Variants in CDK13 observed in about 807,000 individuals in gnomAD.
The protein encoded by CDK13 is cyclin dependent kinase 13, also known as cyclin-dependent kinase 13.
CDK13 carries 40 observed loss-of-function variants against 137.6 expected under a neutral mutation model. The ratio of observed to expected loss-of-function variants is 0.29; its 90% CI spans 0.23 to 0.38. The LOEUF is 0.38. CDK13 is among the 10% of genes least tolerant of loss of function. The pLI is 1.00. For synonymous variants in CDK13, 869 were observed against 760.1 expected, an observed-to-expected ratio of 1.14 and a Z score of -2.36; for missense variants, 1,704 against 1,951.8, an observed-to-expected ratio of 0.87 and a Z score of 2.39.
chr7:40,023,105 T>G (rs1264346340), intron 5 of CDK13, among the ~76,000 whole-genome samples: 1 of 151,574 alleles, frequency 6.6e-6, no homozygotes, highest in Non-Finnish European at 1.5e-5. Flanking sequence ...TTTTTTTTTT[T>G]TTTTTGAGAC....
chr7:39,980,243 A>C (rs1163004292), intron 1 of CDK13, among the ~76,000 whole-genome samples: 1 of 152,184 alleles, frequency 6.6e-6, no homozygotes, highest in African/African-American at 2.4e-5. Flanking sequence ...ATGAGTGGAG[A>C]GTAGTGAAAT....
At chr7:40,026,403 G>A (rs191172950) in intron 5 of CDK13, among the ~76,000 whole-genome samples, 2 of 152,156 alleles carry the variant, frequency 1.3e-5, no homozygotes, top group African/African-American at 2.4e-5. Context: ...CAGCTACTTG[G>A]GGGGCTGAGG....
chr7:40,071,258 T>G (rs910403743), intron 9 of CDK13: 1 of 152,214 alleles, frequency 6.6e-6, no homozygotes. Flanking sequence ...CTACTGAGAT[T>G]TACCGTATTA....
chr7:40,074,189 C>A (rs1048645697), intron 9 of CDK13, among the ~76,000 whole-genome samples: 5 of 151,566 alleles, frequency 3.3e-5, no homozygotes, highest in Non-Finnish European at 5.9e-5. Flanking sequence ...CATGAGCCAT[C>A]ATGCCTGGCC....
chr7:40,069,307 C>T (rs150078586), intron 9 of CDK13: 7,021 of 454,656 alleles, frequency 0.015, 98 homozygotes, highest in Non-Finnish European at 0.02. Flanking sequence ...AATTTCTTTT[C>T]AGACATGAAG....
chr7:39,982,992 T>C (rs1183687027), intron 1 of CDK13, among the ~76,000 whole-genome samples: 2 of 152,232 alleles, frequency 1.3e-5, no homozygotes, highest in Non-Finnish European at 2.9e-5. Context: ...TGGTTGTTTC[T>C]TTTGCTGTGC....
At chr7:40,041,521 A>C (rs1257386781) in intron 5 of CDK13, among the ~76,000 whole-genome samples, 2 of 152,180 alleles carry the variant, frequency 1.3e-5, no homozygotes, top group Non-Finnish European at 2.9e-5. Flanking sequence ...TAATTCTCAA[A>C]GTCATACCAG....
chr7:40,099,089 T>A lies in CDK13; in HGVS notation c.*4109T>A, dbSNP rs2150551348. 6.6e-6 allele frequency: 1 copy of A among 151,794 alleles called. No individual in the cohort carries two copies. Among genetic ancestry groups the A allele is most frequent in the Non-Finnish European group, 1.5e-5 (1 of 67,890 alleles). The allele number at this position is 151,794 out of a possible 1,614,324, so 9.4% of individuals were successfully genotyped here. A position where few individuals can be genotyped will look rare whatever the true frequency, so the allele number is the denominator to read the frequency against. On this transcript the variant is annotated 3_prime_UTR_variant, in exon 14 of 14. Coordinates refer to ENST00000181839, the MANE Select transcript of CDK13 (RefSeq NM_003718.5). ...TTTAAAAAAAAAAACAACAAAAAAA[T>A]ACTTTCAGGGTTTTGTAATTTCAAG... is the stretch of plus-strand genomic sequence containing the variant.
chr7:39,999,522 G>A (rs1187411409), intron 4 of CDK13, 22 bp downstream of exon 4: 11 of 1,580,046 alleles, frequency 7.0e-6, no homozygotes, highest in Non-Finnish European at 9.5e-6. Flanking sequence ...AAGTTCTGGG[G>A]ATCTTTGGGC....
intron 11 of CDK13, among the ~76,000 whole-genome samples, chr7:40,081,442 C>T (rs1301473279): frequency 3.3e-5 from 5 of 152,154 alleles, no homozygotes; most frequent in African/African-American, 1.2e-4. Context: ...CACCAATAGT[C>T]ATTTGGAAAA....
rs1401534951 is a variant in CDK13, at chr7:40,094,815, C to T, written c.4374C>T (p.His1458=). The T allele has an allele frequency of 3.2e-6, 5 of 1,585,758 alleles. No homozygotes were observed. The highest frequency in any genetic ancestry group is 4.3e-6 in the Non-Finnish European group (5 of 1,166,604). Residue 1458 remains histidine (H), a synonymous_variant, in exon 14 of 14, where the codon CAC becomes CAT. Transcript: ENST00000181839. Reference sequence around the variant, plus strand: ...CTCATCCTTTGCCAGCAAAGATGCACAACTATAACTATGGTGGTAACTTAC... The same window carrying T: ...CTCATCCTTTGCCAGCAAAGATGCATAACTATAACTATGGTGGTAACTTAC... ...ESTHPLPAKM[H]NYNYGGNLQE...
intron 2 of CDK13, among the ~76,000 whole-genome samples, chr7:39,990,980 G>A (rs142517438): frequency 1.0e-3 from 157 of 152,308 alleles, no homozygotes; most frequent in African/African-American, 3.5e-3. Context: ...CATTATATGT[G>A]TAACATGTAG....
At chr7:40,092,211 A>T (rs1786940595) in intron 12 of CDK13, 1 of 152,310 alleles carries the variant, frequency 6.6e-6, no homozygotes, top group South Asian at 2.1e-4. Flanking sequence ...GATTTTGCAT[A>T]ATAAACTTTA....
At chr7:40,083,908 GTAGT>G (rs1479987863) in intron 11 of CDK13, among the ~76,000 whole-genome samples, 1 of 151,752 alleles carries the variant, frequency 6.6e-6, no homozygotes, top group African/African-American at 2.4e-5. Context: ...GATATAATGA[GTAGT>G]TAAAATTATG....
intron 9 of CDK13, chr7:40,070,014 A>C (rs1786376382): frequency 6.9e-6 from 1 of 144,554 alleles, no homozygotes; most frequent in African/African-American, 2.6e-5. Flanking sequence ...TGAGGTCAGG[A>C]GATCAAGACC....
chr7:39,986,081 G>C (rs1202679782), intron 1 of CDK13: 1 of 152,222 alleles, frequency 6.6e-6, no homozygotes, highest in African/African-American at 2.4e-5. Flanking sequence ...GGTATTGGGA[G>C]ATAGGGCAGT....
chr7:40,023,730 C>T (rs951876764), intron 5 of CDK13, among the ~76,000 whole-genome samples: 2 of 152,060 alleles, frequency 1.3e-5, no homozygotes, highest in African/African-American at 4.8e-5. Context: ...CGTGATCCGC[C>T]CGCCTCGGCC....
At chr7:40,005,848 A>C (rs925908092) in intron 5 of CDK13, among the ~76,000 whole-genome samples, 1 of 152,058 alleles carries the variant, frequency 6.6e-6, no homozygotes, top group Admixed American at 6.6e-5. Context: ...CAGCCTCCCA[A>C]GTAGCTGGGA....
chr7:40,046,124 G>A (rs1225930606), intron 6 of CDK13, 99 bp downstream of exon 6: 1 of 773,546 alleles, frequency 1.3e-6, no homozygotes, highest in Non-Finnish European at 2.1e-6. Flanking sequence ...GAATGTCGGG[G>A]GTGGTGAGCG....
Sources: gnomAD v4.1 joint callset for allele counts (sites outside exome capture counted in the v4.1 genomes callset) on GRCh38, gnomAD v4.1.1 for gene constraint, MANE v1.5 for transcripts, NCBI Gene and HGNC (gene_info 2026-07-23, HGNC 2026-07-21) for gene names.